CENPW: variants seen among roughly 807,000 people sequenced by gnomAD.
CENPW encodes the protein centromere protein W, also known as cancer-up-regulated gene 2 protein.
In CENPW, 3 loss-of-function variants were observed where a neutral mutation model predicts 11.1. The ratio of observed to expected loss-of-function variants is 0.27; its 90% CI spans 0.12 to 0.70. CENPW has a LOEUF of 0.70. Ranked by LOEUF, CENPW falls within the 30% of genes least tolerant of loss-of-function variation. The pLI is 0.77. For synonymous variants in CENPW, 38 were observed against 42.0 expected (o/e 0.91, Z 0.37); for missense variants, 100 against 105.6 (o/e 0.95, Z 0.23).
At chr6:126,382,876 A>G in the CENPW span, among the ~76,000 whole-genome samples, 78 of 152,340 alleles carry the variant, frequency 5.1e-4, no homozygotes, top group African/African-American at 1.8e-3. Flanking sequence ...GTTATCATCC[A>G]TGAGAATATC....
chr6:126,445,887 A>G, the CENPW span, among the ~76,000 whole-genome samples: 3 of 151,298 alleles, frequency 2.0e-5, no homozygotes, highest in Non-Finnish European at 4.5e-5. Context: ...AAAGGGAAGG[A>G]ATGTTTTGCC....
the CENPW span, among the ~76,000 whole-genome samples, chr6:126,475,187 G>T: frequency 6.6e-6 from 1 of 151,978 alleles, no homozygotes; most frequent in Non-Finnish European, 1.5e-5. Flanking sequence ...AACCAATTAT[G>T]TAGACACCCA....
chr6:126,393,126 A>AT, the CENPW span, among the ~76,000 whole-genome samples: 1 of 151,944 alleles, frequency 6.6e-6, no homozygotes, highest in African/African-American at 2.4e-5. Context: ...TTTCTGTAGT[A>AT]TCAGAAGTAA....
At chr6:126,408,913 C>T in the CENPW span, among the ~76,000 whole-genome samples, 8 of 151,860 alleles carry the variant, frequency 5.3e-5, no homozygotes, top group East Asian at 1.5e-3. Flanking sequence ...TTTCAAAAAG[C>T]CAACTTTTCA....
chr6:126,452,051 G>A, the CENPW span, among the ~76,000 whole-genome samples: 1 of 151,006 alleles, frequency 6.6e-6, no homozygotes, highest in Non-Finnish European at 1.5e-5. Context: ...GAAATGCAAA[G>A]GCTTTGACAA....
At chr6:126,346,785 A>C (rs1426949129) in intron 2 of CENPW, among the ~76,000 whole-genome samples, 1 of 152,144 alleles carries the variant, frequency 6.6e-6, no homozygotes, top group African/African-American at 2.4e-5. Flanking sequence ...CCCTTCCTCC[A>C]CATGGAGGGA....
the CENPW span, among the ~76,000 whole-genome samples, chr6:126,440,549 T>C: frequency 6.6e-6 from 1 of 151,562 alleles, no homozygotes; most frequent in African/African-American, 2.4e-5. Flanking sequence ...AATTCAACTA[T>C]AGTTCTAATT....
At chr6:126,396,918 G>A in the CENPW span, among the ~76,000 whole-genome samples, 1 of 151,960 alleles carries the variant, frequency 6.6e-6, no homozygotes, top group African/African-American at 2.4e-5. Flanking sequence ...GGTTGAACTA[G>A]TGTCTAAGAT....
At chr6:126,446,433 T>A in the CENPW span, among the ~76,000 whole-genome samples, 1 of 150,478 alleles carries the variant, frequency 6.6e-6, no homozygotes, top group African/African-American at 2.4e-5. Context: ...TTACTTGTTA[T>A]AATTTGATTA....
the CENPW span, among the ~76,000 whole-genome samples, chr6:126,462,899 A>C: frequency 6.6e-6 from 1 of 152,042 alleles, no homozygotes; most frequent in African/African-American, 2.4e-5. Flanking sequence ...CATGAAATAC[A>C]ATTTTTAAAA....
chr6:126,351,230 G>A (rs887258858), downstream of CENPW, among the ~76,000 whole-genome samples: 1 of 151,548 alleles, frequency 6.6e-6, no homozygotes, highest in African/African-American at 2.4e-5. Flanking sequence ...GATATTATCC[G>A]TGTGATACCA....
chr6:126,447,912 G>T, the CENPW span, among the ~76,000 whole-genome samples: 1 of 151,242 alleles, frequency 6.6e-6, no homozygotes, highest in Non-Finnish European at 1.5e-5. Flanking sequence ...TTCTTGTGTT[G>T]CTCCTCCGGG....
the CENPW span, among the ~76,000 whole-genome samples, chr6:126,461,446 A>G: frequency 6.6e-6 from 1 of 151,928 alleles, no homozygotes; most frequent in Admixed American, 6.6e-5. Flanking sequence ...AGTCTTACTG[A>G]AGGCTAAGTG....
the CENPW span, among the ~76,000 whole-genome samples, chr6:126,473,379 T>G: frequency 6.6e-6 from 1 of 152,218 alleles, no homozygotes; most frequent in African/African-American, 2.4e-5. Flanking sequence ...GCTTTTAAAT[T>G]ATAGAATTCT....
At chr6:126,391,904 T>C in the CENPW span, among the ~76,000 whole-genome samples, 1 of 152,060 alleles carries the variant, frequency 6.6e-6, no homozygotes, top group South Asian at 2.1e-4. Context: ...TCAGGTAATG[T>C]GATTCCTCCA....
chr6:126,482,778 G>A, the CENPW span, among the ~76,000 whole-genome samples: 4 of 151,864 alleles, frequency 2.6e-5, no homozygotes, highest in South Asian at 4.1e-4. Flanking sequence ...ATATTTGGTA[G>A]TATAAGTTTT....
the CENPW span, among the ~76,000 whole-genome samples, chr6:126,458,128 T>G: frequency 6.6e-6 from 1 of 151,420 alleles, no homozygotes; most frequent in Non-Finnish European, 1.5e-5. Flanking sequence ...CTTTTGGCTT[T>G]CTTTCGCTTG....
At chr6:126,462,512 T>C in the CENPW span, among the ~76,000 whole-genome samples, 14 of 53,656 alleles carry the variant, frequency 2.6e-4, no homozygotes, top group Middle Eastern at 0.033. Context: ...CTTTTCTTTC[T>C]CTCTCTCTCT....
chr6:126,374,660 A>G, the CENPW span, among the ~76,000 whole-genome samples: 1 of 152,204 alleles, frequency 6.6e-6, no homozygotes, highest in Admixed American at 6.6e-5. Flanking sequence ...TCTTGACCTT[A>G]CAGTAGTTAT....
Sources: gnomAD v4.1 joint callset for allele counts (sites outside exome capture counted in the v4.1 genomes callset) on GRCh38, gnomAD v4.1.1 for gene constraint, MANE v1.5 for transcripts, NCBI Gene and HGNC (gene_info 2026-07-23, HGNC 2026-07-21) for gene names.